Variants in SORCS1 observed in about 807,000 individuals in gnomAD.
SORCS1 encodes the protein VPS10 domain-containing receptor SorCS1.
SORCS1 carries 60 observed loss-of-function variants against 146.1 expected under a neutral mutation model. The observed-to-expected ratio is 0.41, with a 90% CI of 0.33 to 0.51. SORCS1 has a LOEUF of 0.51. Ranked by LOEUF, SORCS1 falls within the 20% of genes least tolerant of loss-of-function variation. SORCS1 has a pLI of 0.21. For missense variants in SORCS1, 1,352 were observed against 1,487.6 expected (o/e 0.91, Z 1.50); for synonymous variants, 637 against 584.0 (o/e 1.09, Z -1.31).
intron 6 of SORCS1, among the ~76,000 whole-genome samples, chr10:106,721,018 G>C (rs1385859978): frequency 6.6e-6 from 1 of 151,726 alleles, no homozygotes; most frequent in African/African-American, 2.4e-5. Context: ...GATATCACTA[G>C]TCATTGAAAT....
intron 1 of SORCS1, among the ~76,000 whole-genome samples, chr10:106,961,290 T>C (rs1332118565): frequency 6.6e-6 from 1 of 152,216 alleles, no homozygotes; most frequent in African/African-American, 2.4e-5. Flanking sequence ...GTAACACCTT[T>C]GACTATGACA....
chr10:107,136,596 A>G (rs1967321952), intron 1 of SORCS1, among the ~76,000 whole-genome samples: 1 of 152,194 alleles, frequency 6.6e-6, no homozygotes, highest in Non-Finnish European at 1.5e-5. Context: ...AATAATATCC[A>G]ACACTTGCAA....
chr10:107,013,207 C>A (rs1957757783), intron 1 of SORCS1, among the ~76,000 whole-genome samples: 2 of 152,090 alleles, frequency 1.3e-5, no homozygotes, highest in Non-Finnish European at 2.9e-5. Context: ...AATTCACCTG[C>A]CTTAAGTATG....
intron 8 of SORCS1, among the ~76,000 whole-genome samples, chr10:106,702,769 C>T (rs1854226096): frequency 6.6e-6 from 1 of 152,072 alleles, no homozygotes; most frequent in Non-Finnish European, 1.5e-5. Context: ...GAGAAATGCG[C>T]TTTTTCTCCC....
chr10:107,166,945 G>T (rs2134977333), upstream of SORCS1, among the ~76,000 whole-genome samples: 1 of 152,342 alleles, frequency 6.6e-6, no homozygotes, highest in Admixed American at 6.5e-5. Context: ...CCTGAAGAAT[G>T]CTCGTACAAG....
chr10:107,006,388 G>A (rs1301862396), intron 1 of SORCS1, among the ~76,000 whole-genome samples: 1 of 152,226 alleles, frequency 6.6e-6, no homozygotes, highest in Non-Finnish European at 1.5e-5. Context: ...AGAATAAATA[G>A]ATGGCACAGG....
rs1564736848 is a variant in SORCS1, at chr10:106,577,319, G to T, written c.*101C>A. The T allele has an allele frequency of 1.2e-6, 2 of 1,606,128 alleles. No homozygotes were observed. Among genetic ancestry groups the T allele is most frequent in the South Asian group, 2.2e-5 (2 of 89,280 alleles). On this transcript the variant is annotated 3_prime_UTR_variant, in exon 26 of 26. Transcript: ENST00000263054. ...ATAGGAAACAGAACAACAAAGGAAA[G>T]AAAAAAAACACAAAGTTAGTGGTCA...
In SORCS1 at chr10:106,761,661, A is replaced by C. The variant is rs1260690295; in HGVS notation, c.886T>G (p.Leu296Val). ...WILAYSQDQK[L>V]YSSAEFGRRW... ...CTCCCAAATTCAGCAGAGCTGTATA[A>C]CTGTAAAGAACAGAAATTACTCAGC... Residue 296 changes from leucine (L) to valine (V), a missense_variant and splice_region_variant, in exon 5 of 26, where the codon TTA becomes GTA. Leu to Val is a conservative substitution (Grantham distance 32). Around this residue, in one of 3 missense-constraint regions of SORCS1, gnomAD observed 490 missense variants for 489.1 expected, o/e 1.00. Transcript: ENST00000263054. 1 of 1,614,062 alleles carries C rather than the reference A, an allele frequency of 6.2e-7. No homozygotes were observed. The highest frequency in any genetic ancestry group is 1.1e-5 in the South Asian group (1 of 91,086).
At chr10:107,062,309 A>G (rs781471506) in intron 1 of SORCS1, among the ~76,000 whole-genome samples, 19 of 152,110 alleles carry the variant, frequency 1.2e-4, no homozygotes, top group Non-Finnish European at 2.1e-4. Context: ...AACATTTTTA[A>G]TTTATTAATA....
At chr10:107,038,873 T>TC (rs1163627483) in intron 1 of SORCS1, among the ~76,000 whole-genome samples, 28 of 152,282 alleles carry the variant, frequency 1.8e-4, no homozygotes, top group African/African-American at 6.3e-4. Context: ...TGATAATCTT[T>TC]CAATCCTGAA....
chr10:106,768,585 A>C (rs1482663489), intron 4 of SORCS1, among the ~76,000 whole-genome samples: 1 of 152,242 alleles, frequency 6.6e-6, no homozygotes, highest in East Asian at 1.9e-4. Flanking sequence ...TGTTATAATC[A>C]ATAATATTTC....
At chr10:107,110,524 T>C (rs1037799887) in intron 1 of SORCS1, among the ~76,000 whole-genome samples, 1 of 151,824 alleles carries the variant, frequency 6.6e-6, no homozygotes, top group Admixed American at 6.6e-5. Context: ...CTACAGACTT[T>C]TAAATGACTA....
chr10:106,672,726 T>C, intron 15 of SORCS1, 142 bp downstream of exon 15: 4 of 674,628 alleles, frequency 5.9e-6, no homozygotes, highest in Non-Finnish European at 1.0e-5. Context: ...TGTTCACTGC[T>C]GTGGAACACA....
intron 4 of SORCS1, among the ~76,000 whole-genome samples, chr10:106,775,834 C>T (rs1860390019): frequency 1.3e-5 from 2 of 152,052 alleles, no homozygotes; most frequent in Admixed American, 6.6e-5. Flanking sequence ...TTTATTCTAC[C>T]TGAGAAAGCA....
chr10:106,622,357 A>G (rs1233626595), intron 19 of SORCS1, among the ~76,000 whole-genome samples: 1 of 151,764 alleles, frequency 6.6e-6, no homozygotes. Flanking sequence ...GCTAACACAC[A>G]TTGATTTAAA....
Position 106,951,338 on chromosome 10 carries a change from C to G in SORCS1, c.626+5175G>C, listed in dbSNP as rs188665098. On this transcript the variant is annotated intron_variant, in intron 2 of 25. Transcript: ENST00000263054. ...CATCCTGGCTAACATGGTGAAACCC[C>G]GTCTCTACTAAAAATACAAAAATTA... Among the ~76,000 whole-genome samples, 490 of 151,980 alleles carry G rather than the reference C, an allele frequency of 3.2e-3. 7 individuals carry two copies. Among genetic ancestry groups the G allele is most frequent in the African/African-American group, 0.011 (472 of 41,474 alleles).
At chr10:106,720,239 C>G (rs572648252) in intron 6 of SORCS1, among the ~76,000 whole-genome samples, 1 of 152,262 alleles carries the variant, frequency 6.6e-6, no homozygotes, top group South Asian at 2.1e-4. Context: ...AGAAGAGCAT[C>G]TGATGTGGCG....
At position 106,577,172 on chromosome 10, in the gene SORCS1, TTA is replaced by T. The variant is rs754442962; in HGVS notation, c.*246_*247del. ...TGTTTGGATTTTGATTGTTTATATT[TTA>T]TGTTTTGTTTTGTTTTTGTTTTTGT... On this transcript the variant is annotated 3_prime_UTR_variant, in exon 26 of 26. Transcript: ENST00000263054. 3 of 1,424,836 alleles carry T rather than the reference TTA, an allele frequency of 2.1e-6. No homozygotes were observed. The highest frequency in any genetic ancestry group is 6.3e-5 in the East Asian group (2 of 31,614). The allele number at this position is 1,424,836 out of a possible 1,614,324, so 88.3% of individuals were successfully genotyped here.
intron 5 of SORCS1, among the ~76,000 whole-genome samples, chr10:106,756,369 T>G (rs2136217411): frequency 6.6e-6 from 1 of 152,288 alleles, no homozygotes; most frequent in East Asian, 1.9e-4. Context: ...TATTAATTAT[T>G]TTACAGGGGA....
Sources: gnomAD v4.1 joint callset for allele counts (sites outside exome capture counted in the v4.1 genomes callset) on GRCh38, gnomAD v4.1.1 for gene constraint, gnomAD v4.1.1 regional missense constraint, MANE v1.5 for transcripts, NCBI Gene and HGNC (gene_info 2026-07-23, HGNC 2026-07-21) for gene names.